The following PRDM2 variants were observed in gnomAD, a reference collection of about 807,000 sequenced individuals.
PRDM2 encodes PR domain zinc finger protein 2.
Under a neutral mutation model 130.0 loss-of-function variants are expected in PRDM2, and 30 were observed. The observed-to-expected ratio is 0.23, with a 90% CI of 0.17 to 0.31. The LOEUF is 0.31. Among genes scored for constraint, PRDM2 ranks in the 10% least tolerant of loss-of-function variants. The probability of loss-of-function intolerance (pLI) is 1.00; values close to 1 mark genes in which losing one functional copy is unlikely to be tolerated. For missense variants in PRDM2, 2,011 were observed against 2,108.4 expected, an observed-to-expected ratio of 0.95 and a Z score of 0.90; for synonymous variants, 871 against 782.4, an observed-to-expected ratio of 1.11 and a Z score of -1.89.
intron 1 of PRDM2, among the ~76,000 whole-genome samples, chr1:13,706,416 A>G (rs575299801): frequency 6.6e-6 from 1 of 152,162 alleles, no homozygotes; most frequent in Non-Finnish European, 1.5e-5. Context: ...CTGGGCTGCT[A>G]TGAAACCCGG....
At position 13,824,983 on chromosome 1, in the gene PRDM2, A is replaced by C. The variant is rs1645409427; in HGVS notation, c.*1848A>C. 1.3e-5 allele frequency: 2 copies of C among 152,652 alleles called. No individual in the cohort carries two copies. Among genetic ancestry groups the C allele is most frequent in the Admixed American group, 6.5e-5 (1 of 15,278 alleles). The allele number at this position is 152,652 out of a possible 1,614,324, so 9.5% of individuals were successfully genotyped here. On this transcript the variant is annotated 3_prime_UTR_variant, in exon 10 of 10. Coordinates refer to ENST00000311066, the MANE Select transcript of PRDM2 (RefSeq NM_001393986.1). ...GGGGGGATGATTTTGTAAAAGTGGC[A>C]TTTCCTGGTCAGTGGTGGTCTTCAA...
intron 4 of PRDM2, among the ~76,000 whole-genome samples, chr1:13,737,045 G>A (rs981362434): frequency 2.0e-5 from 3 of 152,282 alleles, no homozygotes; most frequent in Non-Finnish European, 4.4e-5. Flanking sequence ...TATAGTCTTC[G>A]CTATCTCAGT....
Position 13,779,733 on chromosome 1 carries a change from A to C in PRDM2, c.1938A>C (p.Ala646=), listed in dbSNP as rs1455456425. Residue 646 remains alanine (A), a synonymous_variant, in exon 8 of 10, where the codon GCA becomes GCC. Transcript: ENST00000311066. The surrounding 1 kb of genome is among the most constrained non-coding windows in gnomAD (Gnocchi z 4.9). ...AKKRRTASPP[A]LPKIKAETDS... is the part of the protein sequence containing the mutation. ...AGCGGAGAACTGCGAGCCCACCTGC[A>C]CTGCCCAAAATTAAGGCCGAAACAG... is the stretch of plus-strand genomic sequence containing the variant. 1 of 1,614,068 alleles carries C rather than the reference A, an allele frequency of 6.2e-7. No individual in the cohort carries two copies. The highest frequency in any genetic ancestry group is 8.5e-7 in the Non-Finnish European group (1 of 1,180,020).
chr1:13,817,144 T>C (rs577716728), intron 9 of PRDM2, among the ~76,000 whole-genome samples: 2 of 152,298 alleles, frequency 1.3e-5, no homozygotes, highest in East Asian at 3.9e-4. Flanking sequence ...AGTGAGGACA[T>C]TCAAAGGAAA....
At chr1:13,737,485 C>G (rs1330044485) in intron 4 of PRDM2, among the ~76,000 whole-genome samples, 3 of 152,158 alleles carry the variant, frequency 2.0e-5, no homozygotes, top group Non-Finnish European at 4.4e-5. Context: ...AGAAAGTTTG[C>G]TGAGCCCTGG....
intron 4 of PRDM2, among the ~76,000 whole-genome samples, chr1:13,741,771 T>TGTGTGTGTG (rs1643453461): frequency 2.6e-5 from 3 of 117,290 alleles, no homozygotes; most frequent in African/African-American, 6.7e-5. Context: ...TGTGTAGGGG[T>TGTGTGTGTG]GGGGGGCGCG....
At chr1:13,822,138 C>T (rs951950019) in intron 9 of PRDM2, among the ~76,000 whole-genome samples, 2 of 152,096 alleles carry the variant, frequency 1.3e-5, no homozygotes, top group African/African-American at 4.8e-5. Flanking sequence ...CCCAGCAGTC[C>T]CACTGCAGGG....
At chr1:13,773,836 T>G (rs988451246) in intron 7 of PRDM2, among the ~76,000 whole-genome samples, 2 of 152,162 alleles carry the variant, frequency 1.3e-5, no homozygotes, top group African/African-American at 4.8e-5. Context: ...GTGCTCGCTG[T>G]TTTCTATTAT....
Position 13,803,888 on chromosome 1 carries a change from G to C in PRDM2, c.5037-12539G>C, listed in dbSNP as rs1645047323. Among the ~76,000 whole-genome samples, 1 of 152,170 alleles carries C rather than the reference G, an allele frequency of 6.6e-6. No homozygotes were observed. Among genetic ancestry groups the C allele is most frequent in the Non-Finnish European group, 1.5e-5 (1 of 68,032 alleles). On this transcript the variant is annotated intron_variant, in intron 8 of 9. Coordinates refer to ENST00000311066, the MANE Select transcript of PRDM2 (RefSeq NM_001393986.1). The surrounding 1 kb of genome is among the most constrained non-coding windows in gnomAD (Gnocchi z 6.2). ...CTGGCTTAGAAGCTCCACAAAGCAG[G>C]GGCGTGATTGATCTTTTGGGAGCGT...
rs751017068 is a variant in PRDM2 at position 13,823,192 on chromosome 1, G to C, written c.*57G>C. The C allele has an allele frequency of 1.2e-6, 2 of 1,613,282 alleles. No homozygotes were observed. Among genetic ancestry groups the C allele is most frequent in the Non-Finnish European group, 8.5e-7 (1 of 1,179,484 alleles). ...GTGACCTGGAATCAGTGAAGCCAAA[G>C]GGACTGGCAGTCTGCCCTGCAGGGA... On this transcript the variant is annotated 3_prime_UTR_variant, in exon 10 of 10. Transcript: ENST00000311066.
chr1:13,759,690 C>T (rs769062812), intron 6 of PRDM2, among the ~76,000 whole-genome samples: 3 of 152,148 alleles, frequency 2.0e-5, no homozygotes, highest in Non-Finnish European at 4.4e-5. Flanking sequence ...AGCAGGTTTA[C>T]GCTGTGGGCA....
chr1:13,725,509 T>A (rs1482966273), intron 2 of PRDM2, among the ~76,000 whole-genome samples: 1 of 152,202 alleles, frequency 6.6e-6, no homozygotes, highest in South Asian at 2.1e-4. Context: ...CCGGCCCAAG[T>A]CCTGTGTACT....
intron 4 of PRDM2, among the ~76,000 whole-genome samples, chr1:13,737,557 G>A (rs1490351682): frequency 6.6e-6 from 1 of 152,160 alleles, no homozygotes; most frequent in Non-Finnish European, 1.5e-5. Flanking sequence ...TTTCAGGTTT[G>A]CTGAGAAGCT....
At chr1:13,797,929 T>C (rs552517687) in intron 8 of PRDM2, among the ~76,000 whole-genome samples, 7 of 152,280 alleles carry the variant, frequency 4.6e-5, no homozygotes, top group African/African-American at 1.4e-4. Context: ...TTTAAATTCT[T>C]TTCCTTTGCT....
intron 8 of PRDM2, among the ~76,000 whole-genome samples, chr1:13,809,176 C>T (rs142680525): frequency 1.3e-5 from 2 of 152,338 alleles, no homozygotes; most frequent in African/African-American, 4.8e-5. Flanking sequence ...TATCAAGGAA[C>T]TTGGACTGCG....
chr1:13,736,404 G>A (rs1342503545), intron 4 of PRDM2, among the ~76,000 whole-genome samples: 2 of 152,092 alleles, frequency 1.3e-5, no homozygotes, highest in East Asian at 1.9e-4. Flanking sequence ...TTACAGGTGC[G>A]AGCCACTGCA....
chr1:13,725,353 C>T (rs756074110), intron 2 of PRDM2, among the ~76,000 whole-genome samples: 45 of 152,160 alleles, frequency 3.0e-4, no homozygotes, highest in South Asian at 1.0e-3. Context: ...TACAGGTGTG[C>T]GCCACCACGC....
chr1:13,816,412 C>G lies in PRDM2; in HGVS notation c.5037-15C>G. ...GGCTCCTGTGACAATGTGTGTTGTT[C>G]CTCTTCCTGCACAGCTACAGCCTCC... is the stretch of plus-strand genomic sequence containing the variant. On this transcript the variant is annotated splice_polypyrimidine_tract_variant and intron_variant, in intron 8 of 9. Transcript: ENST00000311066. The G allele has an allele frequency of 6.2e-7, 1 of 1,613,716 alleles. No individual in the cohort carries two copies. Among genetic ancestry groups the G allele is most frequent in the Admixed American group, 1.7e-5 (1 of 60,000 alleles).
At chr1:13,796,778 T>C (rs1290487390) in intron 8 of PRDM2, among the ~76,000 whole-genome samples, 3 of 152,116 alleles carry the variant, frequency 2.0e-5, no homozygotes, top group East Asian at 3.9e-4. Flanking sequence ...CAAAACACAA[T>C]AGACTTTGGC....
Sources: gnomAD v4.1 joint callset for allele counts (sites outside exome capture counted in the v4.1 genomes callset) on GRCh38, gnomAD v4.1.1 for gene constraint, Gnocchi (gnomAD v3.1) non-coding constraint, MANE v1.5 for transcripts, NCBI Gene and HGNC (gene_info 2026-07-23, HGNC 2026-07-21) for gene names.